Variants in CCNI observed in about 807,000 individuals in gnomAD.
CCNI encodes the protein cyclin I.
Under a neutral mutation model 34.1 loss-of-function variants are expected in CCNI, and 14 were observed. That is an observed-to-expected ratio of 0.41 (90% CI 0.27 to 0.64). The LOEUF is 0.64. Ranked by LOEUF, CCNI falls within the 30% of genes least tolerant of loss-of-function variation. CCNI has a pLI of 0.31. For synonymous variants in CCNI, 154 were observed against 158.4 expected (o/e 0.97, Z 0.21); for missense variants, 385 against 440.5 (o/e 0.87, Z 1.13).
chr4:77,073,715 T>C (rs1283661917), intron 1 of CCNI, among the ~76,000 whole-genome samples: 1 of 152,250 alleles, frequency 6.6e-6, no homozygotes, highest in African/African-American at 2.4e-5. Flanking sequence ...TAAGACTCTC[T>C]GGATTTGTGC....
In CCNI at chr4:77,072,963, T is replaced by G. The variant is rs4252789; in HGVS notation, c.-44+2509A>C. 6.3e-3 allele frequency among the ~76,000 whole-genome samples: 960 copies of G among 152,344 alleles called. 14 individuals are homozygous for G. Among genetic ancestry groups the G allele is most frequent in the African/African-American group, 0.022 (912 of 41,580 alleles). ...AGAAAGCATGGGCTTGGCTTTTCTTTTACTGACAGTGCACAAGCCTATTTT... is the reference window on the plus strand; with the variant it reads ...AGAAAGCATGGGCTTGGCTTTTCTTGTACTGACAGTGCACAAGCCTATTTT... On this transcript the variant is annotated intron_variant, in intron 1 of 6. Transcript: ENST00000237654.
At chr4:77,051,401 G>C (rs1376055458) in intron 6 of CCNI, among the ~76,000 whole-genome samples, 1 of 152,188 alleles carries the variant, frequency 6.6e-6, no homozygotes, top group Non-Finnish European at 1.5e-5. Context: ...ATGTATTTAA[G>C]TAAGAGGAAG....
chr4:77,049,083 C>G (rs1252298826), intron 6 of CCNI, among the ~76,000 whole-genome samples: 1 of 140,984 alleles, frequency 7.1e-6, no homozygotes, highest in African/African-American at 2.6e-5. Flanking sequence ...TAAACACATT[C>G]ATTAAAAATG....
At chr4:77,070,103 C>T (rs1229172403) in intron 1 of CCNI, among the ~76,000 whole-genome samples, 1 of 151,306 alleles carries the variant, frequency 6.6e-6, no homozygotes, top group African/African-American at 2.4e-5. Context: ...CTGCAACCTC[C>T]ACCTCCTGGG....
In CCNI at chr4:77,055,985, T is replaced by C. The variant is rs745624874; in HGVS notation, c.436A>G (p.Thr146Ala). ...DKLNWDLHTA[T>A]PLDFLHIFHA... ...ACAATATGAAGAAAATCCAATGGTG[T>C]GGCTGTGTGAAGATCCCAATTCAAC... The change falls in exon 5 of 7, where the codon ACA becomes GCA. Residue 146 changes from threonine (T) to alanine (A), a missense_variant. Around this residue, in one of 2 missense-constraint regions of CCNI, gnomAD observed 135 missense variants for 191.8 expected, o/e 0.70. Transcript: ENST00000237654. 1.2e-6 allele frequency: 2 copies of C among 1,613,176 alleles called. No homozygotes were observed. The highest frequency in any genetic ancestry group is 1.1e-5 in the South Asian group (1 of 90,946).
At chr4:77,071,325 T>C (rs750403219) in intron 1 of CCNI, among the ~76,000 whole-genome samples, 10 of 152,248 alleles carry the variant, frequency 6.6e-5, no homozygotes, top group African/African-American at 1.9e-4. Flanking sequence ...AAAATGAAGA[T>C]ATACCAAAAC....
rs1410274081 is a variant in CCNI, at chr4:77,075,596, G to C, written c.-168C>G. ...ATAGGCGCGCGGAGGCGGTGCGCGC[G>C]GGACGACTCGGCCAACTGAGGAGGG... On this transcript the variant is annotated 5_prime_UTR_variant, in exon 1 of 7. Transcript: ENST00000237654. 1.8e-5 allele frequency: 18 copies of C among 987,254 alleles called. No individual in the cohort carries two copies. The highest frequency in any genetic ancestry group is 2.0e-5 in the Non-Finnish European group (17 of 829,700). 61.2% of individuals were successfully genotyped at this position (987,254 alleles called of 1,614,324 possible). A position where few individuals can be genotyped will look rare whatever the true frequency, so the allele number is the denominator to read the frequency against.
chr4:77,051,243 T>G (rs1209608576), intron 6 of CCNI, among the ~76,000 whole-genome samples: 1 of 152,242 alleles, frequency 6.6e-6, no homozygotes, highest in African/African-American at 2.4e-5. Flanking sequence ...GAGCCAACTG[T>G]ACCTCGTTTA....
At chr4:77,056,692 C>G (rs1435081419) in intron 3 of CCNI, among the ~76,000 whole-genome samples, 3 of 151,022 alleles carry the variant, frequency 2.0e-5, no homozygotes, top group Non-Finnish European at 4.4e-5. Context: ...TGGGTTCATG[C>G]CATTCTCCTG....
intron 6 of CCNI, among the ~76,000 whole-genome samples, chr4:77,050,185 T>C (rs763420883): frequency 1.5e-4 from 23 of 152,214 alleles, no homozygotes; most frequent in African/African-American, 5.1e-4. Flanking sequence ...TGAAATTGTA[T>C]TGCGCATTCC....
At chr4:77,052,556 T>A (rs1207867070) in intron 6 of CCNI, among the ~76,000 whole-genome samples, 3 of 152,034 alleles carry the variant, frequency 2.0e-5, no homozygotes, top group Admixed American at 2.0e-4. Context: ...TCACCATACT[T>A]TGTCTCAAAG....
At chr4:77,059,345 AAAAAAAT>A (rs1452100145) in intron 2 of CCNI, among the ~76,000 whole-genome samples, 1 of 151,480 alleles carries the variant, frequency 6.6e-6, no homozygotes, top group Non-Finnish European at 1.5e-5. Flanking sequence ...AGTCGCCATT[AAAAAAAT>A]AAAACCGGTT....
At chr4:77,069,443 T>TATA (rs1560784578) in intron 1 of CCNI, among the ~76,000 whole-genome samples, 1 of 99,592 alleles carries the variant, frequency 1.0e-5, no homozygotes, top group African/African-American at 4.0e-5. Context: ...ATATATATAT[T>TATA]TTTTTTATTA....
At chr4:77,075,084 G>C (rs1232942666) in intron 1 of CCNI, 1 of 151,642 alleles carries the variant, frequency 6.6e-6, no homozygotes, top group Non-Finnish European at 1.5e-5. Context: ...TGGTGTCCCC[G>C]GAGAATCGTT....
At chr4:77,075,175 C>T (rs946143917) in intron 1 of CCNI, 2 of 152,138 alleles carry the variant, frequency 1.3e-5, no homozygotes, top group African/African-American at 4.8e-5. Context: ...TATAGAGTAG[C>T]TAATTTGCCG....
At chr4:77,062,831 T>A (rs1167236509) in intron 2 of CCNI, among the ~76,000 whole-genome samples, 1 of 152,190 alleles carries the variant, frequency 6.6e-6, no homozygotes, top group Non-Finnish European at 1.5e-5. Context: ...CCCAAATTCA[T>A]GTAACAAAAT....
chr4:77,072,207 T>G (rs1454488724), intron 1 of CCNI, among the ~76,000 whole-genome samples: 1 of 151,994 alleles, frequency 6.6e-6, no homozygotes. Context: ...TGTTTTAAGA[T>G]TCAGAAATCA....
chr4:77,063,517 G>A (rs182752381), intron 2 of CCNI, among the ~76,000 whole-genome samples: 6 of 151,856 alleles, frequency 4.0e-5, no homozygotes, highest in East Asian at 2.0e-4. Flanking sequence ...GTGAAACCCC[G>A]TCTCTACTAA....
At chr4:77,051,001 A>G (rs4252933) in intron 6 of CCNI, among the ~76,000 whole-genome samples, 2,371 of 152,018 alleles carry the variant, frequency 0.016, 61 homozygotes, top group African/African-American at 0.053. Flanking sequence ...CTTATATAAA[A>G]TAATGTAGTA....
Sources: gnomAD v4.1 joint callset for allele counts (sites outside exome capture counted in the v4.1 genomes callset) on GRCh38, gnomAD v4.1.1 for gene constraint, gnomAD v4.1.1 regional missense constraint, MANE v1.5 for transcripts, NCBI Gene and HGNC (gene_info 2026-07-23, HGNC 2026-07-21) for gene names.